The following SPTLC2 variants were observed in gnomAD, a reference collection of about 807,000 sequenced individuals.
SPTLC2 encodes the protein serine palmitoyltransferase 2.
Under a neutral mutation model 62.0 loss-of-function variants are expected in SPTLC2, and 21 were observed. That is an observed-to-expected ratio of 0.34 (90% CI 0.24 to 0.49). The LOEUF is 0.49. SPTLC2 is among the 20% of genes least tolerant of loss of function. The pLI, the probability that SPTLC2 is intolerant of heterozygous loss-of-function variation, is 0.99. For missense variants in SPTLC2, 511 were observed against 713.0 expected (o/e 0.72, Z 3.23); for synonymous variants, 261 against 261.8 (o/e 1.00, Z 0.03).
intron 2 of SPTLC2, among the ~76,000 whole-genome samples, chr14:77,581,313 T>C (rs542224784): frequency 2.2e-4 from 34 of 152,092 alleles, no homozygotes; most frequent in African/African-American, 2.4e-4. Context: ...CAAGTGCCTA[T>C]TGAATGAGCC....
chr14:77,592,013 C>G (rs1053045284), intron 2 of SPTLC2, among the ~76,000 whole-genome samples: 1 of 151,932 alleles, frequency 6.6e-6, no homozygotes, highest in Non-Finnish European at 1.5e-5. Flanking sequence ...CGTGAGCCGC[C>G]GTGCCCAGCC....
chr14:77,603,050 G>C (rs2140060803), intron 1 of SPTLC2, among the ~76,000 whole-genome samples: 1 of 152,300 alleles, frequency 6.6e-6, no homozygotes, highest in East Asian at 1.9e-4. Context: ...AAATGATCCT[G>C]AATAAAGGTT....
At chr14:77,565,235 T>A (rs1594993083) in intron 5 of SPTLC2, among the ~76,000 whole-genome samples, 1 of 47,822 alleles carries the variant, frequency 2.1e-5, no homozygotes, top group African/African-American at 9.0e-5. Flanking sequence ...AGAGCAAAAC[T>A]CCATCTCAAA....
intron 10 of SPTLC2, among the ~76,000 whole-genome samples, chr14:77,520,761 T>C (rs1373464969): frequency 1.3e-5 from 2 of 152,236 alleles, no homozygotes; most frequent in Non-Finnish European, 2.9e-5. Flanking sequence ...CCAAAGAAGC[T>C]GGTGTAATCT....
intron 9 of SPTLC2, among the ~76,000 whole-genome samples, chr14:77,537,065 G>A (rs1369853260): frequency 1.3e-5 from 2 of 152,000 alleles, no homozygotes; most frequent in African/African-American, 2.4e-5. Context: ...TGGGACTACA[G>A]GCACCTGCCA....
chr14:77,600,052 T>G (rs2079868924), intron 1 of SPTLC2, among the ~76,000 whole-genome samples: 2 of 152,154 alleles, frequency 1.3e-5, no homozygotes, highest in Non-Finnish European at 2.9e-5. Context: ...CAATCCAACA[T>G]GCAGCGAGTT....
At chr14:77,534,048 C>T (rs2079454964) in intron 9 of SPTLC2, among the ~76,000 whole-genome samples, 1 of 152,012 alleles carries the variant, frequency 6.6e-6, no homozygotes, top group Non-Finnish European at 1.5e-5. Context: ...GTCCCAACTA[C>T]TTGGGAGGCT....
intron 9 of SPTLC2, among the ~76,000 whole-genome samples, chr14:77,550,577 A>G (rs546169887): frequency 6.6e-6 from 1 of 151,100 alleles, no homozygotes; most frequent in African/African-American, 2.5e-5. Context: ...CTCCATCTCA[A>G]AAGAAAGAAA....
At chr14:77,589,977 CAA>C (rs760780304) in intron 2 of SPTLC2, among the ~76,000 whole-genome samples, 1,588 of 120,644 alleles carry the variant, frequency 0.013, 14 homozygotes, top group East Asian at 0.021. Flanking sequence ...GACCCTGTCT[CAA>C]AAAAAAAAAA....
At chr14:77,564,823 TAAAAATATTCACA>T (rs61288975) in intron 5 of SPTLC2, among the ~76,000 whole-genome samples, 68,208 of 151,600 alleles carry the variant, frequency 0.45, 17,417 homozygotes, top group East Asian at 0.87. Flanking sequence ...AGCCAAATAA[TAAAAATATTCACA>T]AACCCACAAC....
Position 77,597,369 on chromosome 14 carries a change from A to G in SPTLC2, c.144T>C (p.Val48=). ...AAAAAGQIHH[V]TQNGGLYKRP... The stretch of plus-strand genomic sequence containing the variant: ...TTTTATATAGTCCTCCATTTTGTGT[A>G]ACATGATGGATCTAAAAGAGAGGTT... The change falls in exon 2 of 12, where the codon GTT becomes GTC. Residue 48 remains valine (V), a synonymous_variant. Transcript: ENST00000216484. 1 of 1,613,548 alleles carries G rather than the reference A, an allele frequency of 6.2e-7. No individual in the cohort carries two copies. Among genetic ancestry groups the G allele is most frequent in the Non-Finnish European group, 8.5e-7 (1 of 1,179,432 alleles).
intron 9 of SPTLC2, among the ~76,000 whole-genome samples, chr14:77,534,178 TCACA>T (rs199819444): frequency 0.26 from 29,507 of 114,674 alleles, 3,292 homozygotes; most frequent in Middle Eastern, 0.39. Context: ...TCTCTCTCTC[TCACA>T]CACACACACA....
intron 2 of SPTLC2, among the ~76,000 whole-genome samples, chr14:77,583,087 C>T (rs910492964): frequency 2.6e-5 from 4 of 151,932 alleles, no homozygotes; most frequent in Non-Finnish European, 4.4e-5. Flanking sequence ...GCAGTCCCAG[C>T]AACGTGGGAG....
intron 2 of SPTLC2, among the ~76,000 whole-genome samples, chr14:77,591,109 T>C (rs996410013): frequency 3.3e-5 from 5 of 152,216 alleles, no homozygotes; most frequent in African/African-American, 4.8e-5. Flanking sequence ...AGATGACTGC[T>C]CCATATGATG....
rs1197876122 is a variant in SPTLC2 at position 77,510,130 on chromosome 14, T to TA, written c.*2153_*2154insT. The TA allele has an allele frequency of 3.0e-5, 12 of 393,772 alleles. No homozygotes were observed. Among genetic ancestry groups the TA allele is most frequent in the African/African-American group, 1.0e-4 (5 of 48,662 alleles). 24.4% of individuals were successfully genotyped at this position (393,772 alleles called of 1,614,324 possible). ...TGTATTTGATTTTATAGGACTCCTA[T>TA]TTAGTTACCACAACCTCCTTCTTAC... On this transcript the variant is annotated 3_prime_UTR_variant, in exon 12 of 12. Coordinates refer to ENST00000216484, the MANE Select transcript of SPTLC2 (RefSeq NM_004863.4).
intron 9 of SPTLC2, among the ~76,000 whole-genome samples, chr14:77,551,670 T>C (rs2079556328): frequency 6.6e-6 from 1 of 152,200 alleles, no homozygotes. Flanking sequence ...TCATTTATTA[T>C]CTACCGTATA....
At chr14:77,553,967 A>G (rs1030467835) in intron 8 of SPTLC2, among the ~76,000 whole-genome samples, 3 of 151,698 alleles carry the variant, frequency 2.0e-5, no homozygotes, top group African/African-American at 7.3e-5. Context: ...GGCATGTGCC[A>G]CCACCACACC....
At chr14:77,608,144 G>A (rs1444946278) in intron 1 of SPTLC2, among the ~76,000 whole-genome samples, 1 of 152,164 alleles carries the variant, frequency 6.6e-6, no homozygotes, top group African/African-American at 2.4e-5. Context: ...ATCAGAGTGT[G>A]CCAGACCCCA....
rs375593371 is a variant in SPTLC2 at position 77,574,581 on chromosome 14, T to G, written c.631+2186A>C. ...AGCACTGCTGACAATAGCCAAAAAG[T>G]AGAAACAACCCAAATGACCATCAAG... On this transcript the variant is annotated intron_variant, in intron 4 of 11. Transcript: ENST00000216484. Among the ~76,000 whole-genome samples, 8 of 152,120 alleles carry G rather than the reference T, an allele frequency of 5.3e-5. 1 individual carries two copies. The East Asian group carries it at 9.7e-4, about 18-fold the overall frequency.
Sources: gnomAD v4.1 joint callset for allele counts (sites outside exome capture counted in the v4.1 genomes callset) on GRCh38, gnomAD v4.1.1 for gene constraint, MANE v1.5 for transcripts, NCBI Gene and HGNC (gene_info 2026-07-23, HGNC 2026-07-21) for gene names.